The following NDST3 variants were observed in gnomAD, a reference collection of about 807,000 sequenced individuals.
NDST3 encodes bifunctional heparan sulfate N-deacetylase/N-sulfotransferase 3.
Under a neutral mutation model 96.1 loss-of-function variants are expected in NDST3, and 58 were observed. The ratio of observed to expected loss-of-function variants is 0.60; its 90% CI spans 0.49 to 0.75. NDST3 has a LOEUF of 0.75. Ranked by LOEUF, NDST3 falls within the 30% of genes least tolerant of loss-of-function variation. The pLI, the probability that NDST3 is intolerant of heterozygous loss-of-function variation, is 0.00. For missense variants in NDST3, 788 were observed against 1,034.2 expected (o/e 0.76, Z 3.27); for synonymous variants, 333 against 359.7 (o/e 0.93, Z 0.84).
chr4:118,042,229 A>T (rs1724513232), intron 1 of NDST3, among the ~76,000 whole-genome samples: 1 of 152,150 alleles, frequency 6.6e-6, no homozygotes, highest in South Asian at 2.1e-4. Context: ...TTATACTGGC[A>T]TCTTTATCTT....
intron 10 of NDST3, among the ~76,000 whole-genome samples, chr4:118,238,461 CCACCAGTTGGAAGGGTT>C (rs1740824233): frequency 6.6e-6 from 1 of 152,158 alleles, no homozygotes; most frequent in East Asian, 1.9e-4. Context: ...GATAATTTAA[CCACCAGTTGGAAGGGTT>C]TAATATGAAG....
intron 6 of NDST3, among the ~76,000 whole-genome samples, chr4:118,207,794 G>A (rs1738526768): frequency 6.9e-6 from 1 of 144,200 alleles, no homozygotes; most frequent in African/African-American, 2.6e-5. Context: ...CATATCCGAG[G>A]CTTGCCTGAT....
At chr4:118,055,645 A>G (rs1004744117) in intron 2 of NDST3, 2 of 152,004 alleles carry the variant, frequency 1.3e-5, no homozygotes, top group Admixed American at 1.3e-4. Context: ...TTTTAAAATT[A>G]AAGTTATCTA....
At chr4:118,152,526 A>C (rs565869207) in intron 6 of NDST3, among the ~76,000 whole-genome samples, 11 of 152,340 alleles carry the variant, frequency 7.2e-5, no homozygotes, top group African/African-American at 2.6e-4. Context: ...GACAATTGGT[A>C]ACCAAAACCC....
At chr4:118,199,978 T>G (rs756704517) in intron 6 of NDST3, among the ~76,000 whole-genome samples, 14 of 152,218 alleles carry the variant, frequency 9.2e-5, no homozygotes, top group Non-Finnish European at 1.8e-4. Flanking sequence ...CCTAGAACTG[T>G]GCTGGGTCAG....
At chr4:118,230,014 C>CCACTACACAGATGGAAAA (rs1311345577) in intron 8 of NDST3, among the ~76,000 whole-genome samples, 4 of 152,086 alleles carry the variant, frequency 2.6e-5, no homozygotes, top group Non-Finnish European at 2.9e-5. Context: ...ATTTTCTTCC[C>CCACTACACAGATGGAAAA]CACTACACAG....
At chr4:118,238,149 A>G (rs1292082540) in intron 10 of NDST3, among the ~76,000 whole-genome samples, 9 of 67,688 alleles carry the variant, frequency 1.3e-4, no homozygotes, top group Middle Eastern at 0.012. Flanking sequence ...GAGAGAGAAA[A>G]GAAAGAAAAG....
At chr4:118,041,308 A>G (rs1724451879) in intron 1 of NDST3, among the ~76,000 whole-genome samples, 1 of 152,110 alleles carries the variant, frequency 6.6e-6, no homozygotes, top group Admixed American at 6.5e-5. Flanking sequence ...AGGGTCCAAC[A>G]CAATTTCAGT....
chr4:118,156,714 TA>T (rs1560685072), intron 6 of NDST3, among the ~76,000 whole-genome samples: 1 of 152,176 alleles, frequency 6.6e-6, no homozygotes, highest in African/African-American at 2.4e-5. Context: ...TCACTCATAA[TA>T]AGAAAAATGC....
intron 6 of NDST3, among the ~76,000 whole-genome samples, chr4:118,149,370 A>T (rs951030575): frequency 6.6e-6 from 1 of 151,972 alleles, no homozygotes; most frequent in East Asian, 1.9e-4. Context: ...CACGATATTG[A>T]TTCTTCCTAC....
At chr4:118,153,097 T>C (rs1462449700) in intron 6 of NDST3, among the ~76,000 whole-genome samples, 1 of 152,254 alleles carries the variant, frequency 6.6e-6, no homozygotes, top group Non-Finnish European at 1.5e-5. Flanking sequence ...ATCTGAATCC[T>C]GTGAGAACAG....
At chr4:118,254,978 C>T (rs1742023161) in intron 13 of NDST3, among the ~76,000 whole-genome samples, 2 of 152,132 alleles carry the variant, frequency 1.3e-5, no homozygotes, top group Non-Finnish European at 2.9e-5. Flanking sequence ...ACTTTGAAAA[C>T]AACCCTTCTT....
chr4:118,143,579 G>T lies in NDST3; in HGVS notation c.1434G>T (p.Gly478=). 5.0e-6 allele frequency: 8 copies of T among 1,608,732 alleles called. No homozygotes were observed. Among genetic ancestry groups the T allele is most frequent in the Non-Finnish European group, 6.8e-6 (8 of 1,178,280 alleles). The change falls in exon 6 of 14, where the codon GGG becomes GGT. Residue 478 remains glycine, a synonymous_variant. Transcript: ENST00000296499. ...NIMVLPRQTC[G]LFTHTIFYKE... ...AGGTTCTCCCAAGACAAACCTGTGG[G>T]CTTTTCACTCACACCATTTTCTACA... is the stretch of plus-strand genomic sequence containing the variant.
intron 6 of NDST3, among the ~76,000 whole-genome samples, chr4:118,221,412 A>C (rs939251631): frequency 1.2e-4 from 19 of 152,080 alleles, no homozygotes; most frequent in African/African-American, 2.9e-4. Flanking sequence ...AATAAATAAC[A>C]TACTTTTTTT....
intron 6 of NDST3, among the ~76,000 whole-genome samples, chr4:118,175,177 G>A (rs1308379366): frequency 1.3e-5 from 2 of 152,014 alleles, no homozygotes; most frequent in Non-Finnish European, 2.9e-5. Context: ...GAGGTACCTA[G>A]AGATTTTTTC....
chr4:118,246,283 A>C (rs1237567428), intron 12 of NDST3, among the ~76,000 whole-genome samples: 1 of 152,218 alleles, frequency 6.6e-6, no homozygotes, highest in Non-Finnish European at 1.5e-5. Flanking sequence ...TGCTATGAAG[A>C]AATGCCCCAG....
intron 6 of NDST3, among the ~76,000 whole-genome samples, chr4:118,168,755 G>T (rs972119688): frequency 6.6e-6 from 1 of 152,168 alleles, no homozygotes; most frequent in East Asian, 1.9e-4. Context: ...GGTAAAAAAC[G>T]TAGTATATTC....
rs1470798403 is a variant in NDST3, at chr4:118,237,232, G to C, written c.2118+12G>C. ...ACTCCTGGTACCAGGTAAGGAAAAT[G>C]CAAATAAAATCCAACAGGGAGAAGT... On this transcript the variant is annotated intron_variant, in intron 10 of 13. Coordinates refer to ENST00000296499, the MANE Select transcript of NDST3 (RefSeq NM_004784.3). 6.3e-7 allele frequency: 1 copy of C among 1,592,156 alleles called. No individual in the cohort carries two copies. The highest frequency in any genetic ancestry group is 2.3e-5 in the East Asian group (1 of 43,978).
At chr4:118,085,566 T>G (rs1279747949) in intron 2 of NDST3, among the ~76,000 whole-genome samples, 1 of 152,210 alleles carries the variant, frequency 6.6e-6, no homozygotes, top group Non-Finnish European at 1.5e-5. Flanking sequence ...TGCAACCTTT[T>G]GTTGATAACA....
Sources: gnomAD v4.1 joint callset for allele counts (sites outside exome capture counted in the v4.1 genomes callset) on GRCh38, gnomAD v4.1.1 for gene constraint, MANE v1.5 for transcripts, NCBI Gene and HGNC (gene_info 2026-07-23, HGNC 2026-07-21) for gene names.